CNTN5: variants seen among roughly 807,000 people sequenced by gnomAD.
CNTN5 encodes contactin-5.
CNTN5 carries 77 observed loss-of-function variants against 129.1 expected under a neutral mutation model. The ratio of observed to expected loss-of-function variants is 0.60; its 90% CI spans 0.50 to 0.72. The LOEUF is 0.72. Ranked by LOEUF, CNTN5 falls within the 30% of genes least tolerant of loss-of-function variation. The pLI is 0.00. For synonymous variants in CNTN5, 509 were observed against 465.6 expected (o/e 1.09, Z -1.20); for missense variants, 1,478 against 1,328.8 (o/e 1.11, Z -1.75).
intron 3 of CNTN5, among the ~76,000 whole-genome samples, chr11:99,786,190 A>C (rs960623873): frequency 1.3e-5 from 2 of 152,106 alleles, no homozygotes; most frequent in Non-Finnish European, 2.9e-5. Flanking sequence ...CAAAAATCAA[A>C]AGAATTCCTA....
Position 99,657,647 on chromosome 11 carries a change from C to G in CNTN5, c.55+101378C>G, listed in dbSNP as rs1349681310. Among the ~76,000 whole-genome samples, 3 of 151,828 alleles carry G rather than the reference C, an allele frequency of 2.0e-5. No homozygotes were observed. The East Asian group carries it at 5.8e-4, about 29-fold the overall frequency. ...AAACCTGAGTCTTTTAAAAAGAGACCTGAGTAGTTTTTAGGTACTTGACAA... is the reference window on the plus strand; with the variant it reads ...AAACCTGAGTCTTTTAAAAAGAGACGTGAGTAGTTTTTAGGTACTTGACAA... On this transcript the variant is annotated intron_variant, in intron 3 of 24. Transcript: ENST00000524871.
At chr11:100,169,338 GTTGTC>G (rs1565309320) in intron 13 of CNTN5, among the ~76,000 whole-genome samples, 1 of 151,860 alleles carries the variant, frequency 6.6e-6, no homozygotes, top group African/African-American at 2.4e-5. Flanking sequence ...AAACTGTATC[GTTGTC>G]TTATTTTAAG....
At chr11:99,164,281 C>T (rs1177497937) in intron 1 of CNTN5, among the ~76,000 whole-genome samples, 6 of 148,756 alleles carry the variant, frequency 4.0e-5, no homozygotes, top group Admixed American at 1.3e-4. Flanking sequence ...CGAGATCGCG[C>T]CACTATACTC....
chr11:99,635,705 T>G (rs676553), intron 3 of CNTN5, among the ~76,000 whole-genome samples: 2 of 151,810 alleles, frequency 1.3e-5, no homozygotes, highest in African/African-American at 4.8e-5. Flanking sequence ...GTCCTTTAAA[T>G]GACAGCATCC....
In CNTN5 at chr11:100,254,331, T is replaced by C. The variant is rs150976051; in HGVS notation, c.2006-1429T>C. Among the ~76,000 whole-genome samples the C allele has an allele frequency of 7.1e-3, 1,082 of 152,312 alleles. 17 individuals are homozygous for C. Among genetic ancestry groups the C allele is most frequent in the African/African-American group, 0.025 (1,019 of 41,550 alleles). ...ACCCTAACTCTTGTAGACAGTATTA[T>C]ATTCTTAAGTTTAAAAAATGAGTAC... On this transcript the variant is annotated intron_variant, in intron 16 of 24. Coordinates refer to ENST00000524871, the MANE Select transcript of CNTN5 (RefSeq NM_014361.4).
intron 1 of CNTN5, among the ~76,000 whole-genome samples, chr11:99,177,825 G>A (rs1415279265): frequency 6.6e-6 from 1 of 152,092 alleles, no homozygotes; most frequent in Admixed American, 6.5e-5. Context: ...CACAAATAAA[G>A]AAAATGAATT....
chr11:100,317,327 A>G (rs1951590835), intron 21 of CNTN5, among the ~76,000 whole-genome samples: 1 of 152,208 alleles, frequency 6.6e-6, no homozygotes, highest in South Asian at 2.1e-4. Flanking sequence ...TTAAGATACA[A>G]GTAAAAGGGG....
intron 2 of CNTN5, among the ~76,000 whole-genome samples, chr11:99,450,037 A>G (rs918168780): frequency 6.6e-6 from 1 of 152,156 alleles, no homozygotes; most frequent in Non-Finnish European, 1.5e-5. Flanking sequence ...GTAATTGCCC[A>G]ATATTAAAGT....
chr11:99,363,979 G>C (rs1939289828), intron 2 of CNTN5, among the ~76,000 whole-genome samples: 1 of 151,926 alleles, frequency 6.6e-6, no homozygotes, highest in Non-Finnish European at 1.5e-5. Flanking sequence ...TTGGAGCAAA[G>C]GTGAATAAAA....
chr11:99,858,418 T>C (rs1591320829), intron 6 of CNTN5, among the ~76,000 whole-genome samples: 1 of 152,078 alleles, frequency 6.6e-6, no homozygotes, highest in East Asian at 1.9e-4. Context: ...TAATGTCTGG[T>C]ATGGAACTAG....
chr11:99,189,090 A>G (rs1591332902), intron 1 of CNTN5, among the ~76,000 whole-genome samples: 1 of 151,614 alleles, frequency 6.6e-6, no homozygotes, highest in South Asian at 2.1e-4. Flanking sequence ...AGTGGTATTC[A>G]TCTTTCTGTG....
At chr11:100,024,519 C>T (rs2137579879) in intron 9 of CNTN5, among the ~76,000 whole-genome samples, 1 of 152,252 alleles carries the variant, frequency 6.6e-6, no homozygotes, top group Non-Finnish European at 1.5e-5. Flanking sequence ...GTTTGGAGGG[C>T]TCAGGAGAAG....
At chr11:100,207,604 ATT>A (rs896334604) in intron 15 of CNTN5, among the ~76,000 whole-genome samples, 3 of 152,126 alleles carry the variant, frequency 2.0e-5, no homozygotes, top group African/African-American at 7.2e-5. Context: ...TATTTACAAA[ATT>A]TGTTTTAAAG....
chr11:99,889,391 A>G (rs1948996752), intron 6 of CNTN5, among the ~76,000 whole-genome samples: 1 of 150,954 alleles, frequency 6.6e-6, no homozygotes, highest in African/African-American at 2.4e-5. Flanking sequence ...ATGAAATTTG[A>G]TAATTATGAG....
At chr11:99,301,081 C>T (rs1864613106) in intron 1 of CNTN5, among the ~76,000 whole-genome samples, 1 of 151,370 alleles carries the variant, frequency 6.6e-6, no homozygotes, top group Admixed American at 6.6e-5. Context: ...AATTATAACT[C>T]CTAGCACAGA....
intron 7 of CNTN5, among the ~76,000 whole-genome samples, chr11:99,948,660 A>G (rs1023288075): frequency 1.3e-5 from 2 of 152,156 alleles, no homozygotes; most frequent in East Asian, 3.9e-4. Context: ...TGGCAACTCT[A>G]TGTCTTAGTT....
At chr11:100,128,278 G>A (rs1490596998) in intron 13 of CNTN5, among the ~76,000 whole-genome samples, 2 of 151,928 alleles carry the variant, frequency 1.3e-5, no homozygotes, top group Non-Finnish European at 2.9e-5. Context: ...ATGTGTTCAT[G>A]TGCTTAAGCC....
chr11:99,111,265 A>T (rs1857781970), intron 1 of CNTN5, among the ~76,000 whole-genome samples: 1 of 151,956 alleles, frequency 6.6e-6, no homozygotes, highest in Admixed American at 6.6e-5. Flanking sequence ...ATGAGATGTC[A>T]GCTCTTTGTC....
At position 99,987,620 on chromosome 11, in the gene CNTN5, A is replaced by G. The variant is rs957664471; in HGVS notation, c.878-14414A>G. On this transcript the variant is annotated intron_variant, in intron 8 of 24. Transcript: ENST00000524871. ...AACTTGGTGAGAGAAGTGGGGTGGT[A>G]GAGAGGAAAGACTTTACTGAAAAAG... 1.3e-5 allele frequency among the ~76,000 whole-genome samples: 2 copies of G among 151,746 alleles called. 1 individual carries two copies. The highest frequency in any genetic ancestry group is 2.9e-5 in the Non-Finnish European group (2 of 67,862).
Sources: allele counts gnomAD v4.1 joint callset (sites outside exome capture counted in the v4.1 genomes callset), GRCh38; gene constraint gnomAD v4.1.1; transcripts MANE v1.5; gene names NCBI Gene and HGNC (gene_info 2026-07-23, HGNC 2026-07-21).